DPF3: variants seen among roughly 807,000 people sequenced by gnomAD.
The protein encoded by DPF3 is zinc finger protein DPF3.
In DPF3, 18 loss-of-function variants were observed where a neutral mutation model predicts 56.8. The observed-to-expected ratio is 0.32, with a 90% CI of 0.22 to 0.47. The LOEUF (loss-of-function observed/expected upper bound fraction) is 0.47. DPF3 is among the 20% of genes least tolerant of loss of function. DPF3 has a pLI of 1.00. For missense variants in DPF3, 403 were observed against 488.8 expected, an observed-to-expected ratio of 0.82 and a Z score of 1.65; for synonymous variants, 188 against 180.2, an observed-to-expected ratio of 1.04 and a Z score of -0.35.
chr14:72,814,100 G>A (rs191316715), intron 1 of DPF3, among the ~76,000 whole-genome samples: 19 of 152,128 alleles, frequency 1.2e-4, no homozygotes, highest in Admixed American at 8.5e-4. Flanking sequence ...AACTCCAGAC[G>A]GGTACCCTCC....
chr14:72,800,303 C>A (rs964251300), intron 1 of DPF3, among the ~76,000 whole-genome samples: 5 of 152,200 alleles, frequency 3.3e-5, no homozygotes, highest in Admixed American at 3.3e-4. Context: ...AAGCCCATTT[C>A]CTCATTTACT....
rs1886589989 is a variant in DPF3, at chr14:72,887,371, G to C, written c.32+6686C>G. ...CTGAAAAGGAAGAGCCAGAGGAAAA[G>C]CCCACATTCTAAATGGCCCACCACC... On this transcript the variant is annotated intron_variant, in intron 1 of 10. Coordinates refer to ENST00000556509, the MANE Select transcript of DPF3 (RefSeq NM_001280542.3). Among the ~76,000 whole-genome samples the C allele has an allele frequency of 5.9e-5, 9 of 152,130 alleles. 1 individual carries two copies. The highest frequency in any genetic ancestry group is 5.2e-4 in the Admixed American group (8 of 15,274).
intron 8 of DPF3, among the ~76,000 whole-genome samples, chr14:72,651,646 G>A (rs74415371): frequency 0.021 from 3,246 of 152,288 alleles, 67 homozygotes; most frequent in African/African-American, 0.045. Context: ...AAAGATGGAG[G>A]TGGAATCTCC....
chr14:72,741,494 G>T (rs1366871171), intron 3 of DPF3, among the ~76,000 whole-genome samples: 3 of 152,214 alleles, frequency 2.0e-5, no homozygotes, highest in Non-Finnish European at 4.4e-5. Flanking sequence ...AGCCAAGATG[G>T]CAACACTTGG....
At chr14:72,892,441 C>T in intron 1 of DPF3, 1 of 1,444,368 alleles carries the variant, frequency 6.9e-7, no homozygotes, top group Non-Finnish European at 9.0e-7. Flanking sequence ...TCAGCCTCAG[C>T]TTCCAACGTC....
intron 5 of DPF3, among the ~76,000 whole-genome samples, chr14:72,716,927 C>T (rs775830324): frequency 1.4e-4 from 21 of 152,114 alleles, no homozygotes; most frequent in Admixed American, 2.6e-4. Flanking sequence ...CATTGCCCCC[C>T]TAGTCCACCC....
chr14:72,675,829 G>A (rs190921244), intron 7 of DPF3: 1 of 152,350 alleles, frequency 6.6e-6, no homozygotes, highest in East Asian at 1.9e-4. Flanking sequence ...CAGAGGAGCT[G>A]GCCACATTCT....
At chr14:72,842,971 C>T (rs1234178221) in intron 1 of DPF3, among the ~76,000 whole-genome samples, 5 of 151,568 alleles carry the variant, frequency 3.3e-5, no homozygotes, top group Admixed American at 1.3e-4. Flanking sequence ...TGCAGTGAGC[C>T]GAGATCATAC....
chr14:72,767,790 C>G (rs1452303046), intron 2 of DPF3, among the ~76,000 whole-genome samples: 2 of 122,230 alleles, frequency 1.6e-5, no homozygotes, highest in African/African-American at 5.7e-5. Context: ...CCCCATAAAC[C>G]CACAGGTTGA....
Position 72,870,242 on chromosome 14 carries a change from C to A in DPF3, c.32+23815G>T, listed in dbSNP as rs1048432738. ...AGGTGCCTGTTACCTACCACCCTGA[C>A]AACAGTGTGTCAGGCCAACTTGGAG... is the stretch of plus-strand genomic sequence containing the variant. On this transcript the variant is annotated intron_variant, in intron 1 of 10. Coordinates refer to ENST00000556509, the MANE Select transcript of DPF3 (RefSeq NM_001280542.3). 5.9e-5 allele frequency among the ~76,000 whole-genome samples: 9 copies of A among 152,332 alleles called. No individual in the cohort carries two copies. The South Asian group carries it at 6.2e-4, about 11-fold the overall frequency.
chr14:72,684,375 T>C (rs1473116680), intron 7 of DPF3, among the ~76,000 whole-genome samples: 1 of 152,140 alleles, frequency 6.6e-6, no homozygotes, highest in Non-Finnish European at 1.5e-5. Context: ...AAAAAAGTTT[T>C]AACAACCCAG....
chr14:72,671,367 A>G (rs372844867), intron 8 of DPF3: 4 of 1,612,478 alleles, frequency 2.5e-6, no homozygotes, highest in Non-Finnish European at 3.4e-6. Flanking sequence ...ATATCAGCAC[A>G]TGGGTTAAGC....
chr14:72,706,089 T>C (rs898985210), intron 6 of DPF3, among the ~76,000 whole-genome samples: 1 of 152,216 alleles, frequency 6.6e-6, no homozygotes, highest in African/African-American at 2.4e-5. Flanking sequence ...ATCCATTTCA[T>C]AGCACTTTTG....
chr14:72,802,097 G>T (rs1438350636), intron 1 of DPF3, among the ~76,000 whole-genome samples: 1 of 152,038 alleles, frequency 6.6e-6, no homozygotes, highest in Non-Finnish European at 1.5e-5. Context: ...CCATGTGAGT[G>T]ACAAGAGCAA....
At chr14:72,861,741 A>AAGAAAGAAAG (rs1567261097) in intron 1 of DPF3, among the ~76,000 whole-genome samples, 3 of 107,276 alleles carry the variant, frequency 2.8e-5, no homozygotes, top group South Asian at 3.2e-4. Flanking sequence ...AAGAAAGAGA[A>AAGAAAGAAAG]AGAAAGAAAG....
At chr14:72,754,953 G>A (rs1053104622) in intron 2 of DPF3, among the ~76,000 whole-genome samples, 1 of 152,162 alleles carries the variant, frequency 6.6e-6, no homozygotes. Context: ...AACTGACCTG[G>A]ACTCAGAAAT....
intron 1 of DPF3, among the ~76,000 whole-genome samples, chr14:72,850,791 GTGTGTGCA>G (rs962472140): frequency 1.4e-5 from 2 of 144,090 alleles, no homozygotes; most frequent in African/African-American, 2.5e-5. Context: ...CTGGTGGGGC[GTGTGTGCA>G]TGTGTGCATG....
intron 1 of DPF3, among the ~76,000 whole-genome samples, chr14:72,852,358 A>G (rs8004055): frequency 6.6e-6 from 1 of 152,096 alleles, no homozygotes; most frequent in Non-Finnish European, 1.5e-5. Context: ...TAGTAAAACA[A>G]CCCGTAGGAG....
chr14:72,836,500 G>C (rs893331830), intron 1 of DPF3: 2 of 985,448 alleles, frequency 2.0e-6, no homozygotes, highest in Non-Finnish European at 2.4e-6. Flanking sequence ...TCTTCCCTTG[G>C]GGTTCTGACC....
Sources: gnomAD v4.1 joint callset for allele counts (sites outside exome capture counted in the v4.1 genomes callset) on GRCh38, gnomAD v4.1.1 for gene constraint, MANE v1.5 for transcripts, NCBI Gene and HGNC (gene_info 2026-07-23, HGNC 2026-07-21) for gene names.